The following ZNF276 variants were observed in gnomAD, a reference collection of about 807,000 sequenced individuals.
ZNF276 encodes the protein centromere protein Z.
A neutral mutation model predicts 63.9 loss-of-function variants in ZNF276; 59 were observed. The ratio of observed to expected loss-of-function variants is 0.92; its 90% CI spans 0.75 to 1.15. ZNF276 has a LOEUF of 1.15. Ranked by LOEUF, ZNF276 falls within the 50% of genes most tolerant of loss-of-function variation. ZNF276 has a pLI of 0.00. For synonymous variants in ZNF276, 496 were observed against 348.4 expected (o/e 1.42, Z -4.72); for missense variants, 1,084 against 843.8 (o/e 1.28, Z -3.53).
chr16:89,728,454 A>C (rs1490503956), intron 5 of ZNF276, among the ~76,000 whole-genome samples: 1 of 151,884 alleles, frequency 6.6e-6, no homozygotes, highest in Non-Finnish European at 1.5e-5. Context: ...CCCAGGCTGG[A>C]GTGCAGTGGC....
chr16:89,733,785 CT>C, intron 8 of ZNF276, 135 bp from the exon 9 acceptor site: 1 of 905,430 alleles, frequency 1.1e-6, no homozygotes, highest in Admixed American at 2.1e-5. Context: ...TGGAGTGAAG[CT>C]GTGAAGGAGC....
chr16:89,733,048 C>G (rs895378066), intron 6 of ZNF276: 1 of 485,536 alleles, frequency 2.1e-6, no homozygotes, highest in Non-Finnish European at 3.7e-6. Context: ...CTGTACCCTG[C>G]GCCCTCGCCC....
chr16:89,740,349 A>C lies in ZNF276; in HGVS notation c.*2103A>C. On this transcript the variant is annotated 3_prime_UTR_variant, in exon 11 of 11. Coordinates refer to ENST00000443381, the MANE Select transcript of ZNF276 (RefSeq NM_001113525.2). ...GTCCTCAAATAAGACATTAAAAGAA[A>C]GGCCCACAGGCCGGATGCAGTGGCT... 1.9e-6 allele frequency: 1 copy of C among 538,262 alleles called. No individual in the cohort carries two copies. The highest frequency in any genetic ancestry group is 3.3e-6 in the Non-Finnish European group (1 of 299,018). 33.3% of individuals were successfully genotyped at this position (538,262 alleles called of 1,614,324 possible).
At chr16:89,737,514 C>CCAT (rs1258917933) in intron 9 of ZNF276, 11 of 417,986 alleles carry the variant, frequency 2.6e-5, no homozygotes, top group Non-Finnish European at 4.2e-6. Flanking sequence ...GAGCGAAACT[C>CCAT]CATCTCAAAA....
chr16:89,724,466 G>A (rs2061406702), intron 4 of ZNF276, among the ~76,000 whole-genome samples: 1 of 152,186 alleles, frequency 6.6e-6, no homozygotes, highest in African/African-American at 2.4e-5. Context: ...GGCCAACATA[G>A]CGAAACCCCA....
In ZNF276 at chr16:89,738,557, A is replaced by T. The variant is rs1325302475; in HGVS notation, c.*311A>T. The T allele has an allele frequency of 6.2e-7, 1 of 1,612,284 alleles. No homozygotes were observed. The highest frequency in any genetic ancestry group is 1.7e-5 in the Admixed American group (1 of 60,028). ...GAGCTCCATGTTATGCTTGTAATAA[A>T]TTATTTACACGGGAGCTGGGCTGGT... On this transcript the variant is annotated 3_prime_UTR_variant, in exon 11 of 11. Transcript: ENST00000443381.
In ZNF276 at chr16:89,723,311, T is replaced by A; in HGVS notation, c.608T>A (p.Val203Glu). ...PQCLHGLVGWVHGHAASCGAL... is the reference protein window; with the variant it reads ...PQCLHGLVGWEHGHAASCGAL... ...TGCCTGCACGGCTTGGTGGGGTGGG[T>A]GCATGGACATGCGGCCAGCTGCGGG... Residue 203 changes from valine (V) to glutamate (E), a missense_variant, in exon 4 of 11, where the codon GTG (valine) becomes GAG (glutamate). Transcript: ENST00000443381. 6.2e-7 allele frequency: 1 copy of A among 1,612,994 alleles called. No homozygotes were observed. The highest frequency in any genetic ancestry group is 8.5e-7 in the Non-Finnish European group (1 of 1,180,012).
chr16:89,739,337 TAGC>T lies in ZNF276; in HGVS notation c.*1094_*1096del. 2 of 1,610,824 alleles carry T rather than the reference TAGC, an allele frequency of 1.2e-6. No homozygotes were observed. The highest frequency in any genetic ancestry group is 1.7e-6 in the Non-Finnish European group (2 of 1,177,488). On this transcript the variant is annotated 3_prime_UTR_variant, in exon 11 of 11. Coordinates refer to ENST00000443381, the MANE Select transcript of ZNF276 (RefSeq NM_001113525.2). ...AAATGGCTACAGACTGCTGGAAAGG[TAGC>T]AGGTGATGCCAAGGGATACTGCTCA...
rs745726629 is a variant in ZNF276, at chr16:89,738,085, C to T, written c.1684C>T (p.Arg562Trp). 5.6e-6 allele frequency: 9 copies of T among 1,613,942 alleles called. No individual in the cohort carries two copies. The highest frequency in any genetic ancestry group is 2.2e-5 in the East Asian group (1 of 44,894). ...CTTTGCCTGTGACCAGTGTGGCCGG[C>T]GGTTTGAGAAGGCCCACAACCTCAA... ...LDFACDQCGR[R>W]FEKAHNLNVH... The change falls in exon 11 of 11, where the codon CGG becomes TGG. Residue 562 changes from arginine to tryptophan, a missense_variant. Transcript: ENST00000443381.
intron 9 of ZNF276, among the ~76,000 whole-genome samples, chr16:89,735,472 T>C (rs183535770): frequency 6.6e-6 from 1 of 151,508 alleles, no homozygotes; most frequent in African/African-American, 2.4e-5. Flanking sequence ...GTTGTTATTT[T>C]TTGGGTTCTC....
chr16:89,733,617 T>C lies in ZNF276; in HGVS notation c.1356+60T>C. 1.9e-6 allele frequency: 3 copies of C among 1,580,128 alleles called. No homozygotes were observed. In the South Asian group the frequency reaches 3.3e-5, roughly 18 times the overall value. ...GCTGTCAGTGTGAACCTGGGGGAGG[T>C]AGCAGGTGTTTCTGCAGCCTAACTC... is the stretch of plus-strand genomic sequence containing the variant. On this transcript the variant is annotated intron_variant, in intron 8 of 10. Transcript: ENST00000443381.
rs773641279 is a variant in ZNF276 at position 89,723,589 on chromosome 16, G to A, written c.886G>A (p.Gly296Arg). 9.9e-6 allele frequency: 16 copies of A among 1,612,716 alleles called. No homozygotes were observed. The African/African-American group carries it at 2.1e-4, about 22-fold the overall frequency. ...GGGTAGAGGGACAGGGACCCCAGTT[G>A]GGGCTGAGACCAAGACCCTGCCCAG... is the stretch of plus-strand genomic sequence containing the variant. ...SQGRGTGTPV[G>R]AETKTLPSTD... is the part of the protein sequence containing the mutation. The change falls in exon 4 of 11, where the codon GGG becomes AGG. Residue 296 changes from glycine (G) to arginine (R), a missense_variant. Gly to Arg is a moderately radical substitution (Grantham distance 125). Coordinates refer to ENST00000443381, the MANE Select transcript of ZNF276 (RefSeq NM_001113525.2).
rs1014478784 is a variant in ZNF276 at position 89,723,160 on chromosome 16, G to A, written c.533G>A (p.Gly178Glu). The change falls in exon 3 of 11, where the codon GGG becomes GAG. Residue 178 changes from glycine (G) to glutamate (E), a missense_variant. Gly to Glu is a moderately conservative substitution (Grantham distance 98). Transcript: ENST00000443381. ...AGGGTCGGTGCCCAGCCCCCAACAGGGGCAGAGGAGGGAGCGTGTCTGGGT... is the reference window on the plus strand; with the variant it reads ...AGGGTCGGTGCCCAGCCCCCAACAGAGGCAGAGGAGGGAGCGTGTCTGGGT... ...CAKVGAQPPT[G>E]AEEGACLVDL... The A allele has an allele frequency of 1.4e-5, 23 of 1,613,106 alleles. No individual in the cohort carries two copies. Among genetic ancestry groups the A allele is most frequent in the Non-Finnish European group, 1.9e-5 (23 of 1,180,050 alleles).
chr16:89,735,647 G>A (rs2061835504), intron 9 of ZNF276, among the ~76,000 whole-genome samples: 1 of 152,110 alleles, frequency 6.6e-6, no homozygotes, highest in Admixed American at 6.6e-5. Flanking sequence ...AAGGCAGTAG[G>A]ATTGCTTGAG....
At position 89,740,502 on chromosome 16, in the gene ZNF276, GACTC is replaced by G. The variant is rs2062102808; in HGVS notation, c.*2259_*2262del. ...ATACAAAAATTAGCCGGGTGTGACAGACTCACGCCTGTAATCCCAGCTACTCGGG... is the reference window on the plus strand; with the variant it reads ...ATACAAAAATTAGCCGGGTGTGACAGACGCCTGTAATCCCAGCTACTCGGG... On this transcript the variant is annotated 3_prime_UTR_variant, in exon 11 of 11. Transcript: ENST00000443381. 3 of 485,790 alleles carry G rather than the reference GACTC, an allele frequency of 6.2e-6. No homozygotes were observed. In the South Asian group the frequency reaches 6.9e-5, roughly 11 times the overall value. The allele number at this position is 485,790 out of a possible 1,614,324, so 30.1% of individuals were successfully genotyped here.
At chr16:89,720,851 G>A (rs1425810759), upstream of ZNF276, 7 of 1,418,388 alleles carry the variant, frequency 4.9e-6, no homozygotes, top group Admixed American at 2.6e-5. Flanking sequence ...GTCCCCGGCC[G>A]CAGCGGCCAT....
At position 89,740,654 on chromosome 16, in the gene ZNF276, A is replaced by AAAAAC. The variant is rs2062107938; in HGVS notation, c.*2408_*2409insAAAAC. The AAAAAC allele has an allele frequency of 7.7e-6, 5 of 650,290 alleles. No homozygotes were observed. The highest frequency in any genetic ancestry group is 2.8e-5 in the East Asian group (1 of 35,196). 40.3% of individuals were successfully genotyped at this position (650,290 alleles called of 1,614,324 possible). On this transcript the variant is annotated 3_prime_UTR_variant, in exon 11 of 11. Transcript: ENST00000443381. ...CCCATCTCAAAAAAAAAAAAAAAAAACCCACGGCCTGGGAGTTCTCACTCA... is the reference window on the plus strand; with the variant it reads ...CCCATCTCAAAAAAAAAAAAAAAAAAAAAACCCCACGGCCTGGGAGTTCTCACTCA...
Position 89,722,543 on chromosome 16 carries a change from C to G in ZNF276, c.218C>G (p.Ala73Gly), listed in dbSNP as rs1480449431. Residue 73 changes from alanine to glycine, a missense_variant, in exon 2 of 11, where the codon GCT (alanine) becomes GGT (glycine). Coordinates refer to ENST00000443381, the MANE Select transcript of ZNF276 (RefSeq NM_001113525.2). ...DGADEAGAGR[A>G]LAMGHCRLCH... is the part of the protein sequence containing the mutation. ...CCGCTCTGTGCAGGAGCAGGCCGGG[C>G]TCTCGCCATGGGTCACTGTCGCCTC... 5 of 1,611,482 alleles carry G rather than the reference C, an allele frequency of 3.1e-6. No individual in the cohort carries two copies. In the Middle Eastern group the frequency reaches 6.7e-4, roughly 217 times the overall value.
At position 89,738,164 on chromosome 16, in the gene ZNF276, C is replaced by T. The variant is rs747111210; in HGVS notation, c.1763C>T (p.Pro588Leu). 8.1e-6 allele frequency: 13 copies of T among 1,613,130 alleles called. No individual in the cohort carries two copies. Among genetic ancestry groups the T allele is most frequent in the Non-Finnish European group, 1.1e-5 (13 of 1,179,920 alleles). ...PLTQTQDKAL[P>L]LEAEPPPGPP... ...ACACAGACCCAGGACAAGGCCCTGCCCCTGGAGGCGGAACCACCACCTGGG... is the reference window on the plus strand; with the variant it reads ...ACACAGACCCAGGACAAGGCCCTGCTCCTGGAGGCGGAACCACCACCTGGG... Residue 588 changes from proline to leucine, a missense_variant, in exon 11 of 11, where the codon CCC (proline) becomes CTC (leucine). Coordinates refer to ENST00000443381, the MANE Select transcript of ZNF276 (RefSeq NM_001113525.2).
Sources: allele counts gnomAD v4.1 joint callset (sites outside exome capture counted in the v4.1 genomes callset), GRCh38; gene constraint gnomAD v4.1.1; transcripts MANE v1.5; gene names NCBI Gene and HGNC (gene_info 2026-07-23, HGNC 2026-07-21).